Variants in ADGRG6 observed in about 807,000 individuals in gnomAD.
ADGRG6 encodes the protein adhesion G protein-coupled receptor G6.
ADGRG6 carries 84 observed loss-of-function variants against 142.4 expected under a neutral mutation model. The ratio of observed to expected loss-of-function variants is 0.59; its 90% CI spans 0.49 to 0.71. ADGRG6 has a LOEUF of 0.71. Ranked by LOEUF, ADGRG6 falls within the 30% of genes least tolerant of loss-of-function variation. The pLI, the probability that ADGRG6 is intolerant of heterozygous loss-of-function variation, is 0.00. For missense variants in ADGRG6, 1,367 were observed against 1,466.6 expected (o/e 0.93, Z 1.11); for synonymous variants, 521 against 520.5 (o/e 1.00, Z -0.01).
chr6:142,419,349 A>T (rs901147575), intron 21 of ADGRG6, among the ~76,000 whole-genome samples: 1 of 152,184 alleles, frequency 6.6e-6, no homozygotes, highest in Admixed American at 6.6e-5. Context: ...GGACCTTGCC[A>T]GTTGAGTCTA....
chr6:142,331,818 T>A (rs1019830941), intron 2 of ADGRG6, among the ~76,000 whole-genome samples: 4 of 152,200 alleles, frequency 2.6e-5, no homozygotes, highest in African/African-American at 9.6e-5. Context: ...CATTAACTAA[T>A]CATTTTCATT....
intron 14 of ADGRG6, among the ~76,000 whole-genome samples, chr6:142,405,094 G>A (rs982509092): frequency 6.6e-6 from 1 of 152,132 alleles, no homozygotes; most frequent in African/African-American, 2.4e-5. Context: ...CAGGATACAG[G>A]CAAGACCTTT....
intron 2 of ADGRG6, among the ~76,000 whole-genome samples, chr6:142,353,368 A>G (rs911177583): frequency 2.6e-5 from 4 of 152,242 alleles, no homozygotes; most frequent in Admixed American, 2.6e-4. Context: ...CAAGATGCCA[A>G]TCATCTTGCA....
rs756890815 is a variant in ADGRG6 at position 142,419,850 on chromosome 6, A to T, written c.3065A>T (p.Tyr1022Phe). 1.2e-6 allele frequency: 2 copies of T among 1,611,290 alleles called. No individual in the cohort carries two copies. The highest frequency in any genetic ancestry group is 1.3e-5 in the African/African-American group (1 of 74,872). The change falls in exon 22 of 25, where the codon TAT becomes TTT. Residue 1022 changes from tyrosine (Y) to phenylalanine (F), a missense_variant. Tyr to Phe is a conservative substitution (Grantham distance 22). Around this residue, in one of 3 missense-constraint regions of ADGRG6, gnomAD observed 344 missense variants for 348.7 expected, o/e 0.99. Coordinates refer to ENST00000367609, the MANE Select transcript of ADGRG6 (RefSeq NM_198569.3). ...FCWIQDPVIF[Y>F]VTCAGYFGVM... ...TGGATTCAAGATCCAGTCATATTTT[A>T]TGTGACCTGTGCTGGGTATTTTGGA... is the stretch of plus-strand genomic sequence containing the variant.
intron 14 of ADGRG6, among the ~76,000 whole-genome samples, chr6:142,404,986 A>G (rs79973783): frequency 3.9e-5 from 6 of 152,268 alleles, no homozygotes; most frequent in Non-Finnish European, 7.4e-5. Flanking sequence ...AAAATGAATG[A>G]AGCATTGTCC....
intron 13 of ADGRG6, 71 bp from the exon 14 acceptor site, chr6:142,403,731 G>A (rs1426416771): frequency 2.0e-6 from 2 of 979,486 alleles, no homozygotes; most frequent in Non-Finnish European, 1.5e-6. Flanking sequence ...TTGCCATGCA[G>A]CAAAACATGT....
At position 142,443,456 on chromosome 6, in the gene ADGRG6, GACA is replaced by G. The variant is rs1727489429; in HGVS notation, c.3697_3699del (p.Asn1233del). On this transcript the variant is annotated inframe_deletion, in exon 25 of 25. Coordinates refer to ENST00000367609, the MANE Select transcript of ADGRG6 (RefSeq NM_198569.3). Reference sequence around the variant, plus strand: ...CAAGGGTTATTGCAATGCTCATTCAGACAACTTCTATAAAAATATTATCATGTC... The same window carrying G: ...CAAGGGTTATTGCAATGCTCATTCAGACTTCTATAAAAATATTATCATGTC... 11 of 1,611,634 alleles carry G rather than the reference GACA, an allele frequency of 6.8e-6. No individual in the cohort carries two copies. The highest frequency in any genetic ancestry group is 9.3e-6 in the Non-Finnish European group (11 of 1,178,066).
chr6:142,420,400 AG>A (rs1330037760), intron 22 of ADGRG6, among the ~76,000 whole-genome samples: 1 of 152,188 alleles, frequency 6.6e-6, no homozygotes, highest in Non-Finnish European at 1.5e-5. Context: ...GAGCAAGGGA[AG>A]TATCTAGCTG....
chr6:142,383,789 C>A lies in ADGRG6; in HGVS notation c.1168C>A (p.Pro390Thr). The A allele has an allele frequency of 6.3e-7, 1 of 1,576,330 alleles. No individual in the cohort carries two copies. The highest frequency in any genetic ancestry group is 8.7e-7 in the Non-Finnish European group (1 of 1,146,206). Reference protein sequence around the residue: ...ATVNSPSTTPPTVTTNMPVTN... With the variant: ...ATVNSPSTTPTTVTTNMPVTN... ...TGTAAACTCTCCTAGTACTACACCA[C>A]CCACTGTCACCACTAACATGCCTGT... The change falls in exon 6 of 25, where the codon CCC becomes ACC. Residue 390 changes from proline to threonine, a missense_variant. Physicochemically the swap from Pro to Thr is conservative, Grantham distance 38 (BLOSUM62 -1). Around this residue, in one of 3 missense-constraint regions of ADGRG6, gnomAD observed 737 missense variants for 746.5 expected, o/e 0.99. Transcript: ENST00000367609.
At chr6:142,356,077 A>G (rs34033239) in intron 2 of ADGRG6, among the ~76,000 whole-genome samples, 2,294 of 152,318 alleles carry the variant, frequency 0.015, 31 homozygotes, top group Non-Finnish European at 0.024. Flanking sequence ...GCCCAGTGCA[A>G]TTTGAAATTA....
chr6:142,336,075 A>G (rs1189870584), intron 2 of ADGRG6, among the ~76,000 whole-genome samples: 1 of 152,158 alleles, frequency 6.6e-6, no homozygotes, highest in East Asian at 1.9e-4. Flanking sequence ...ACTTTTTATG[A>G]TCTCTTTTTT....
intron 4 of ADGRG6, among the ~76,000 whole-genome samples, chr6:142,380,807 C>T (rs1781737630): frequency 6.6e-6 from 1 of 152,190 alleles, no homozygotes; most frequent in Non-Finnish European, 1.5e-5. Flanking sequence ...AACTGTGACG[C>T]CATCTCCCTT....
At chr6:142,382,103 T>C in intron 5 of ADGRG6, 84 bp downstream of exon 5, 4 of 812,874 alleles carry the variant, frequency 4.9e-6, no homozygotes, top group Non-Finnish European at 8.0e-6. Context: ...TTTTGATTTG[T>C]ATCTGAATTT....
At chr6:142,361,171 G>A (rs1780695440) in intron 2 of ADGRG6, among the ~76,000 whole-genome samples, 1 of 152,206 alleles carries the variant, frequency 6.6e-6, no homozygotes. Context: ...GGACCAAGTA[G>A]TATAAAGATG....
At chr6:142,422,320 C>G (rs1378689740) in intron 22 of ADGRG6, among the ~76,000 whole-genome samples, 1 of 152,114 alleles carries the variant, frequency 6.6e-6, no homozygotes, top group East Asian at 1.9e-4. Context: ...CCTGCTCCCC[C>G]CACCCCACCA....
intron 2 of ADGRG6, 86 bp downstream of exon 2, chr6:142,309,730 A>T (rs1582954751): frequency 1.3e-6 from 1 of 778,642 alleles, no homozygotes; most frequent in Non-Finnish European, 1.9e-6. Context: ...ATGTTGCCTT[A>T]CTTTTACTTA....
chr6:142,411,268 C>A, intron 17 of ADGRG6, 37 bp from the exon 18 acceptor site: 1 of 1,108,844 alleles, frequency 9.0e-7, no homozygotes, highest in Non-Finnish European at 1.4e-6. Context: ...AGAAACTGAC[C>A]TGCTGTTTTC....
At chr6:142,336,735 G>A (rs1779335209) in intron 2 of ADGRG6, among the ~76,000 whole-genome samples, 1 of 152,148 alleles carries the variant, frequency 6.6e-6, no homozygotes, top group Admixed American at 6.5e-5. Flanking sequence ...CTTCTTTTAT[G>A]ACACCCTCCT....
chr6:142,323,494 A>G (rs1246224172), intron 2 of ADGRG6, among the ~76,000 whole-genome samples: 19 of 152,144 alleles, frequency 1.2e-4, no homozygotes. Flanking sequence ...GCCAAGTGCC[A>G]CAAAACAACA....
Sources: allele counts gnomAD v4.1 joint callset (sites outside exome capture counted in the v4.1 genomes callset), GRCh38; gene constraint gnomAD v4.1.1; regional missense constraint gnomAD v4.1.1; transcripts MANE v1.5; gene names NCBI Gene and HGNC (gene_info 2026-07-23, HGNC 2026-07-21).